FAM83G: variants seen among roughly 807,000 people sequenced by gnomAD.
FAM83G encodes the protein scaffolding CK1 anchoring protein G.
In FAM83G, 38 loss-of-function variants were observed where a neutral mutation model predicts 61.5. The observed-to-expected ratio is 0.62, with a 90% confidence interval of 0.48 to 0.81. The LOEUF (loss-of-function observed/expected upper bound fraction) is 0.81, where lower values mean the gene tolerates loss of function less well. Among genes scored for constraint, FAM83G ranks in the 30% least tolerant of loss-of-function variants. FAM83G has a pLI of 0.00. For synonymous variants in FAM83G, 470 were observed against 476.1 expected, an observed-to-expected ratio of 0.99 and a Z score of 0.17; for missense variants, 989 against 1,133.6, an observed-to-expected ratio of 0.87 and a Z score of 1.83.
intron 3 of FAM83G, among the ~76,000 whole-genome samples, chr17:18,983,809 G>A (rs1014058187): frequency 6.6e-5 from 10 of 152,178 alleles, no homozygotes; most frequent in Non-Finnish European, 4.4e-5. Context: ...GTATGTGACG[G>A]CATGTAGGGG....
chr17:18,969,591 G>A lies in FAM83G; in HGVS notation c.*1768C>T. 3.3e-6 allele frequency: 2 copies of A among 602,638 alleles called. No individual in the cohort carries two copies. Among genetic ancestry groups the A allele is most frequent in the South Asian group, 4.6e-5 (2 of 43,764 alleles). 37.3% of individuals were successfully genotyped at this position (602,638 alleles called of 1,614,324 possible). The stretch of plus-strand genomic sequence containing the variant: ...CACTAGGCAGTCAGCCCCCCTGCTG[G>A]CCCCTCAGGGACTGCCCTGGCTGGT... On this transcript the variant is annotated 3_prime_UTR_variant, in exon 6 of 6. Coordinates refer to ENST00000388995, the MANE Select transcript of FAM83G (RefSeq NM_001039999.3).
At chr17:18,984,039 C>T (rs565875283) in intron 3 of FAM83G, among the ~76,000 whole-genome samples, 4 of 152,292 alleles carry the variant, frequency 2.6e-5, no homozygotes, top group East Asian at 3.9e-4. Flanking sequence ...GTGAATCCCC[C>T]CCGTTTGAGA....
At chr17:18,972,867 T>TA (rs35947526) in intron 5 of FAM83G, among the ~76,000 whole-genome samples, 13,719 of 137,712 alleles carry the variant, frequency 0.1, 796 homozygotes, top group South Asian at 0.3. Flanking sequence ...AGACTCCGTC[T>TA]AAAAAAAAAA....
At position 19,004,347 on chromosome 17, in the gene FAM83G, G is replaced by T; in HGVS notation, c.-128-178C>A. On this transcript the variant is annotated intron_variant, in intron 1 of 5. Coordinates refer to ENST00000388995, the MANE Select transcript of FAM83G (RefSeq NM_001039999.3). The surrounding 1 kb of genome is among the most constrained non-coding windows in gnomAD (Gnocchi z 5.4). ...GGGAAGAAAGTAAGGGATCGGAACAGCGGTGAGGGAGCGGTGGGCCACGTC... is the reference window on the plus strand; with the variant it reads ...GGGAAGAAAGTAAGGGATCGGAACATCGGTGAGGGAGCGGTGGGCCACGTC... 1 of 315,974 alleles carries T rather than the reference G, an allele frequency of 3.2e-6. No individual in the cohort carries two copies. Among genetic ancestry groups the T allele is most frequent in the Non-Finnish European group, 5.9e-6 (1 of 170,804 alleles). 19.6% of individuals were successfully genotyped at this position (315,974 alleles called of 1,614,324 possible).
rs753302947 is a variant in FAM83G, at chr17:18,978,845, G to T, written c.821C>A (p.Thr274Lys). ...DRAVCGSYSF[T>K]WSAARTDRNV... ...CCGGTCCGTCCGCGCGGCCGACCACGTGAAGCTGCAACAGAGGGAGGGGGC... is the reference window on the plus strand; with the variant it reads ...CCGGTCCGTCCGCGCGGCCGACCACTTGAAGCTGCAACAGAGGGAGGGGGC... The change falls in exon 5 of 6, where the codon ACG (threonine) becomes AAG (lysine). Residue 274 changes from threonine (T) to lysine (K), a missense_variant. By Grantham distance (78) the Thr-to-Lys change is moderately conservative (BLOSUM62 -1). Around this residue, in one of 3 missense-constraint regions of FAM83G, gnomAD observed 371 missense variants for 404.5 expected, o/e 0.92. Transcript: ENST00000388995. 3.1e-6 allele frequency: 5 copies of T among 1,611,374 alleles called. No homozygotes were observed. Among genetic ancestry groups the T allele is most frequent in the Non-Finnish European group, 4.2e-6 (5 of 1,178,782 alleles).
Position 18,971,184 on chromosome 17 carries a change from C to A in FAM83G, c.*175G>T. The stretch of plus-strand genomic sequence containing the variant: ...TGGACCGGGATGACCTTTGGCCTGA[C>A]CATCATGGCCACCTGGTACTGGTGC... On this transcript the variant is annotated 3_prime_UTR_variant, in exon 6 of 6. Coordinates refer to ENST00000388995, the MANE Select transcript of FAM83G (RefSeq NM_001039999.3). This position sits in a 1 kb window ranked among gnomAD's most constrained non-coding sequence, Gnocchi z 5.5. 1 of 1,614,038 alleles carries A rather than the reference C, an allele frequency of 6.2e-7. No individual in the cohort carries two copies. Among genetic ancestry groups the A allele is most frequent in the Non-Finnish European group, 8.5e-7 (1 of 1,180,040 alleles).
At chr17:18,991,022 A>G (rs2043408776) in intron 2 of FAM83G, among the ~76,000 whole-genome samples, 1 of 152,068 alleles carries the variant, frequency 6.6e-6, no homozygotes, top group Non-Finnish European at 1.5e-5. Context: ...GATGGTTTAT[A>G]AGGAGCCTTT....
intron 5 of FAM83G, among the ~76,000 whole-genome samples, chr17:18,975,026 G>T (rs1597841564): frequency 6.6e-6 from 1 of 152,198 alleles, no homozygotes; most frequent in African/African-American, 2.4e-5. Context: ...TCTACTTGGG[G>T]TGACAGCACC....
chr17:18,978,379 G>A lies in FAM83G; in HGVS notation c.1287C>T (p.Ile429=). ...PEPGSDILGY[I]NIIDPNIWNP... ...TCCAGATGTTGGGGTCGATGATATTGATGTAGCCCAGGATGTCGCTGCCAG... is the reference window on the plus strand; with the variant it reads ...TCCAGATGTTGGGGTCGATGATATTAATGTAGCCCAGGATGTCGCTGCCAG... The change falls in exon 5 of 6, where the codon ATC becomes ATT. Residue 429 remains isoleucine (I), a synonymous_variant. Transcript: ENST00000388995. The A allele has an allele frequency of 6.3e-7, 1 of 1,593,150 alleles. No individual in the cohort carries two copies. Among genetic ancestry groups the A allele is most frequent in the Non-Finnish European group, 8.5e-7 (1 of 1,169,968 alleles).
intron 2 of FAM83G, among the ~76,000 whole-genome samples, chr17:18,990,598 C>A (rs2043392445): frequency 6.9e-6 from 1 of 145,484 alleles, no homozygotes; most frequent in Non-Finnish European, 1.5e-5. Context: ...GTGCGCCACT[C>A]CCCACATTGC....
In FAM83G at chr17:18,971,512, G is replaced by C. The variant is rs1330671898; in HGVS notation, c.2319C>G (p.Gly773=). 6 of 1,613,950 alleles carry C rather than the reference G, an allele frequency of 3.7e-6. No individual in the cohort carries two copies. The highest frequency in any genetic ancestry group is 5.1e-6 in the Non-Finnish European group (6 of 1,180,044). Residue 773 remains glycine, a synonymous_variant, in exon 6 of 6, where the codon GGC becomes GGG. Transcript: ENST00000388995. The surrounding 1 kb of genome is among the most constrained non-coding windows in gnomAD (Gnocchi z 5.5). The stretch of plus-strand genomic sequence containing the variant: ...GACTCGGATGCTCCTCGGTGGCCCT[G>C]CCATCGGTCATGGGGCGGGCATTTT... ...LAQNARPMTD[G]RATEEHPSPF... is the part of the protein sequence containing the mutation.
Position 19,003,580 on chromosome 17 carries a change from G to C in FAM83G, c.462C>G (p.Pro154=), listed in dbSNP as rs746618872. ...VTRASVYMQP[P]IDGQAHIKEV... is the part of the protein sequence containing the mutation. The stretch of plus-strand genomic sequence containing the variant: ...CTTTGATGTGGGCCTGCCCGTCTAT[G>C]GGGGGCTGCATGTAGACGCTAGCCC... Residue 154 remains proline (P), a synonymous_variant, in exon 2 of 6, where the codon CCC becomes CCG. Transcript: ENST00000388995. The surrounding 1 kb of genome is among the most constrained non-coding windows in gnomAD (Gnocchi z 4.5). The C allele has an allele frequency of 6.3e-7, 1 of 1,597,360 alleles. No individual in the cohort carries two copies. Among genetic ancestry groups the C allele is most frequent in the South Asian group, 1.1e-5 (1 of 88,944 alleles).
chr17:19,003,148 C>T lies in FAM83G; in HGVS notation c.522+372G>A, dbSNP rs564743804. On this transcript the variant is annotated intron_variant, in intron 2 of 5. Coordinates refer to ENST00000388995, the MANE Select transcript of FAM83G (RefSeq NM_001039999.3). This position sits in a 1 kb window ranked among gnomAD's most constrained non-coding sequence, Gnocchi z 4.5. The stretch of plus-strand genomic sequence containing the variant: ...CACCAGAGAGCTCATGGTGTGTGCG[C>T]GCCTTTACAGTGAATCAGAGCCACT... 5.3e-5 allele frequency among the ~76,000 whole-genome samples: 8 copies of T among 151,728 alleles called. No homozygotes were observed. Among genetic ancestry groups the T allele is most frequent in the Middle Eastern group, 3.4e-3 (1 of 294 alleles).
upstream of FAM83G, among the ~76,000 whole-genome samples, chr17:19,006,026 G>A (rs965379096): frequency 5.9e-5 from 9 of 152,146 alleles, no homozygotes; most frequent in Non-Finnish European, 1.0e-4. Context: ...TCTTACCAAT[G>A]CACAGAGGCT....
At chr17:18,990,546 G>C (rs2043390565) in intron 2 of FAM83G, among the ~76,000 whole-genome samples, 1 of 152,234 alleles carries the variant, frequency 6.6e-6, no homozygotes, top group Admixed American at 6.5e-5. Flanking sequence ...GACTTGCCCT[G>C]GGCTTGGGCT....
intron 5 of FAM83G, among the ~76,000 whole-genome samples, chr17:18,974,426 G>A (rs575268311): frequency 4.6e-5 from 7 of 152,354 alleles, no homozygotes; most frequent in Admixed American, 1.3e-4. Context: ...CTGGGCTCCC[G>A]TCTGGGCTAT....
chr17:18,977,904 C>A lies in FAM83G; in HGVS notation c.1762G>T (p.Val588Leu). 2 of 1,610,618 alleles carry A rather than the reference C, an allele frequency of 1.2e-6. No homozygotes were observed. Among genetic ancestry groups the A allele is most frequent in the Non-Finnish European group, 1.7e-6 (2 of 1,179,644 alleles). ...TGGCTGTCCTGGTCACTGAGGGTTA[C>A]GTAGTCGTCATCATCTTCTTCTTCC... ...GVEEEDDDDYVTLSDQDSHSG... is the reference protein window; with the variant it reads ...GVEEEDDDDYLTLSDQDSHSG... The change falls in exon 5 of 6, where the codon GTA (valine) becomes TTA (leucine). Residue 588 changes from valine to leucine, a missense_variant. Transcript: ENST00000388995.
Position 18,969,714 on chromosome 17 carries a change from C to A in FAM83G, c.*1645G>T, listed in dbSNP as rs983801234. On this transcript the variant is annotated 3_prime_UTR_variant, in exon 6 of 6. Transcript: ENST00000388995. ...GCCAGCCACACCCGCATTGGCTCAG[C>A]GCTTGATGGTGAGGTGGGGCTGTAG... 2.7e-6 allele frequency: 1 copy of A among 372,014 alleles called. No individual in the cohort carries two copies. The allele number at this position is 372,014 out of a possible 1,614,324, so 23.0% of individuals were successfully genotyped here. A position where few individuals can be genotyped will look rare whatever the true frequency, so the allele number is the denominator to read the frequency against.
rs2042787484 is a variant in FAM83G at position 18,969,555 on chromosome 17, G to A, written c.*1804C>T. ...GCATCGCTGGGAGTGGGTGGGTTCA[G>A]GAGGTTGAGCCACTAGGCAGTCAGC... On this transcript the variant is annotated 3_prime_UTR_variant, in exon 6 of 6. Transcript: ENST00000388995. 3 of 813,308 alleles carry A rather than the reference G, an allele frequency of 3.7e-6. No homozygotes were observed. The highest frequency in any genetic ancestry group is 3.4e-5 in the African/African-American group (2 of 58,184). 50.4% of individuals were successfully genotyped at this position (813,308 alleles called of 1,614,324 possible).
Sources: gnomAD v4.1 joint callset for allele counts (sites outside exome capture counted in the v4.1 genomes callset) on GRCh38, gnomAD v4.1.1 for gene constraint, gnomAD v4.1.1 regional missense constraint, Gnocchi (gnomAD v3.1) non-coding constraint, MANE v1.5 for transcripts, NCBI Gene and HGNC (gene_info 2026-07-23, HGNC 2026-07-21) for gene names.